The following ANK1 variants were observed in gnomAD, a reference collection of about 807,000 sequenced individuals.
ANK1 encodes ankyrin-1.
Under a neutral mutation model 210.4 loss-of-function variants are expected in ANK1, and 51 were observed. The ratio of observed to expected loss-of-function variants is 0.24; its 90% confidence interval spans 0.19 to 0.31. The LOEUF is 0.31. ANK1 is among the 10% of genes least tolerant of loss of function. The pLI is 1.00. For synonymous variants in ANK1, 967 were observed against 1,025.9 expected, an observed-to-expected ratio of 0.94 and a Z score of 1.10; for missense variants, 2,051 against 2,504.4, an observed-to-expected ratio of 0.82 and a Z score of 3.86.
intron 1 of ANK1, among the ~76,000 whole-genome samples, chr8:41,779,971 T>A (rs1437576943): frequency 5.3e-5 from 8 of 152,322 alleles, no homozygotes; most frequent in Admixed American, 5.2e-4. Context: ...AGACAGAGCC[T>A]AGGGAGGTTC....
chr8:41,697,515 C>T (rs539187536), intron 24 of ANK1, among the ~76,000 whole-genome samples: 1 of 152,204 alleles, frequency 6.6e-6, no homozygotes, highest in South Asian at 2.1e-4. Context: ...GTTAGGGCCT[C>T]CCTGCTCTGC....
At chr8:41,721,989 T>A (rs1256065344) in intron 9 of ANK1, among the ~76,000 whole-genome samples, 1 of 152,148 alleles carries the variant, frequency 6.6e-6, no homozygotes, top group Non-Finnish European at 1.5e-5. Context: ...CCTGGAAAAA[T>A]GTTGGGAATT....
chr8:41,831,407 G>A (rs1250654636), intron 1 of ANK1, among the ~76,000 whole-genome samples: 2 of 152,136 alleles, frequency 1.3e-5, no homozygotes, highest in Admixed American at 1.3e-4. Flanking sequence ...CAGCACTTTG[G>A]GAGGCCAAGG....
chr8:41,721,613 C>T (rs1027736677), intron 9 of ANK1, among the ~76,000 whole-genome samples: 2 of 143,130 alleles, frequency 1.4e-5, no homozygotes, highest in African/African-American at 5.4e-5. Flanking sequence ...GTAGAGATCA[C>T]ACTGCTGCAC....
At chr8:41,827,752 A>C (rs534040813) in intron 1 of ANK1, among the ~76,000 whole-genome samples, 1 of 145,888 alleles carries the variant, frequency 6.9e-6, no homozygotes, top group African/African-American at 2.5e-5. Context: ...GCATACATAC[A>C]CCCACTCACA....
In ANK1 at chr8:41,704,377, G is replaced by C; in HGVS notation, c.2193C>G (p.Thr731=). 6.2e-7 allele frequency: 1 copy of C among 1,613,912 alleles called. No individual in the cohort carries two copies. Among genetic ancestry groups the C allele is most frequent in the East Asian group, 2.2e-5 (1 of 44,882 alleles). ...LQHQADVNAK[T]KLGYSPLHQA... ...CGGGGCTGGGGCACCCCTGTACCTT[G>C]GTCTTGGCATTGACATCTGCCTGGT... Residue 731 remains threonine, a synonymous_variant, in exon 19 of 43, where the codon ACC becomes ACG. Transcript: ENST00000289734. This position sits in a 1 kb window ranked among gnomAD's most constrained non-coding sequence, Gnocchi z 4.1.
chr8:41,820,167 C>CA lies in ANK1; in HGVS notation c.127-62031_127-62030insT, dbSNP rs1554638882. Reference sequence around the variant, plus strand: ...TTTCTAATTTAAATTTAGATCTCACCTTTTTTTTTTTAGATGGGGTCTCAC... The same window carrying CA: ...TTTCTAATTTAAATTTAGATCTCACCATTTTTTTTTTTAGATGGGGTCTCAC... On this transcript the variant is annotated intron_variant, in intron 1 of 42. Coordinates refer to the ANK1 transcript ENST00000265709. Among the ~76,000 whole-genome samples the CA allele has an allele frequency of 1.9e-4, 28 of 147,956 alleles. No individual in the cohort carries two copies. The South Asian group carries it at 5.3e-3, about 28-fold the overall frequency.
At chr8:41,766,035 G>A (rs1334384158) in intron 1 of ANK1, among the ~76,000 whole-genome samples, 9 of 152,188 alleles carry the variant, frequency 5.9e-5, no homozygotes, top group Non-Finnish European at 1.2e-4. Flanking sequence ...CTAGAAAGGC[G>A]AATGGAAACT....
intron 24 of ANK1, among the ~76,000 whole-genome samples, chr8:41,697,463 A>G (rs801100): frequency 0.55 from 83,302 of 151,660 alleles, 24,923 homozygotes; most frequent in South Asian, 0.7. Context: ...CACTCCCCAC[A>G]TCTCACCTCC....
chr8:41,700,445 T>A (rs1822453421), intron 22 of ANK1: 1 of 1,613,714 alleles, frequency 6.2e-7, no homozygotes, highest in African/African-American at 1.3e-5. Context: ...TATAGTTATA[T>A]GAGCAGTTCC....
At chr8:41,766,958 G>A (rs1010132630) in intron 1 of ANK1, among the ~76,000 whole-genome samples, 2 of 152,068 alleles carry the variant, frequency 1.3e-5, no homozygotes, top group African/African-American at 2.4e-5. Flanking sequence ...AATCTACCCG[G>A]CCAGGCTGTC....
chr8:41,880,809 G>T (rs747845274), intron 1 of ANK1, among the ~76,000 whole-genome samples: 8 of 152,248 alleles, frequency 5.3e-5, no homozygotes, highest in South Asian at 2.1e-4. Context: ...CGGCAGAGGC[G>T]CCTGGTGGGT....
intron 16 of ANK1, among the ~76,000 whole-genome samples, chr8:41,712,227 A>G (rs985980485): frequency 6.6e-6 from 1 of 152,106 alleles, no homozygotes; most frequent in Non-Finnish European, 1.5e-5. Flanking sequence ...GCCCGGCCCT[A>G]TTAGGCCATC....
intron 1 of ANK1, among the ~76,000 whole-genome samples, chr8:41,873,491 G>A (rs1399749397): frequency 6.6e-6 from 1 of 152,194 alleles, no homozygotes; most frequent in East Asian, 1.9e-4. Context: ...CCATTTTGCA[G>A]ACAAGAAACT....
Position 41,715,688 on chromosome 8 carries a change from A to G in ANK1, c.1566T>C (p.Leu522=). The G allele has an allele frequency of 6.2e-7, 1 of 1,613,898 alleles. No homozygotes were observed. Among genetic ancestry groups the G allele is most frequent in the South Asian group, 1.1e-5 (1 of 91,062 alleles). The change falls in exon 14 of 43, where the codon CTT becomes CTC. Residue 522 remains leucine (L), a synonymous_variant. Coordinates refer to ENST00000289734, the MANE Select transcript of ANK1 (RefSeq NM_000037.4). ...AGGCCTGGGATGCTTCCTTTTCCAG[A>G]AGGGCCAGGACTGTTTCCACATGGC... The part of the protein sequence containing the change: ...REGHVETVLA[L]LEKEASQACM...
intron 1 of ANK1, among the ~76,000 whole-genome samples, chr8:41,815,944 T>C (rs1408288012): frequency 6.6e-6 from 1 of 152,226 alleles, no homozygotes; most frequent in African/African-American, 2.4e-5. Context: ...TTTATCTTAT[T>C]TGGAAATAAA....
chr8:41,800,826 T>TGCCTCATCCTCCC (rs1363586644), upstream of ANK1, among the ~76,000 whole-genome samples: 6 of 152,158 alleles, frequency 3.9e-5, no homozygotes, highest in Non-Finnish European at 8.8e-5. Flanking sequence ...GCCATCCTCC[T>TGCCTCATCCTCCC]GCCTCATCCT....
chr8:41,760,605 G>A (rs1227845092), intron 1 of ANK1, among the ~76,000 whole-genome samples: 1 of 152,186 alleles, frequency 6.6e-6, no homozygotes, highest in Non-Finnish European at 1.5e-5. Context: ...CCGTGGCCTA[G>A]ACTCAGAGCC....
Position 41,718,203 on chromosome 8 carries a change from T to A in ANK1, c.1109A>T (p.Asn370Ile), listed in dbSNP as rs1182051539. ...KGAKPNSRAL[N>I]GFTPLHIACK... ...GGCGATGTGTAAGGGGGTAAAGCCATTCTGCAGCCCACACAAAGGGAGACA... is the reference window on the plus strand; with the variant it reads ...GGCGATGTGTAAGGGGGTAAAGCCAATCTGCAGCCCACACAAAGGGAGACA... The change falls in exon 11 of 43, where the codon AAT (asparagine) becomes ATT (isoleucine). Residue 370 changes from asparagine to isoleucine, a missense_variant and splice_region_variant. Asn to Ile is a moderately radical substitution (Grantham distance 149). This residue lies in a region of ANK1 where 1,413 missense variants were observed against 1,707.4 expected (regional missense o/e 0.83). Coordinates refer to ENST00000289734, the MANE Select transcript of ANK1 (RefSeq NM_000037.4). 6.2e-7 allele frequency: 1 copy of A among 1,613,514 alleles called. No individual in the cohort carries two copies. Among genetic ancestry groups the A allele is most frequent in the South Asian group, 1.1e-5 (1 of 91,072 alleles).
Sources: allele counts gnomAD v4.1 joint callset (sites outside exome capture counted in the v4.1 genomes callset), GRCh38; gene constraint gnomAD v4.1.1; regional missense constraint gnomAD v4.1.1; non-coding constraint Gnocchi (gnomAD v3.1); transcripts MANE v1.5; gene names NCBI Gene and HGNC (gene_info 2026-07-23, HGNC 2026-07-21).